SYT1: variants seen among roughly 807,000 people sequenced by gnomAD.
SYT1 encodes synaptotagmin 1.
SYT1 carries 8 observed loss-of-function variants against 44.8 expected under a neutral mutation model. That is an observed-to-expected ratio of 0.18 (90% confidence interval 0.10 to 0.32). The LOEUF (loss-of-function observed/expected upper bound fraction) is 0.32. Among genes scored for constraint, SYT1 ranks in the 10% least tolerant of loss-of-function variants. The pLI is 1.00. For missense variants in SYT1, 286 were observed against 509.3 expected, an observed-to-expected ratio of 0.56 and a Z score of 4.22; for synonymous variants, 154 against 188.8, an observed-to-expected ratio of 0.82 and a Z score of 1.51.
intron 4 of SYT1, among the ~76,000 whole-genome samples, chr12:79,278,290 G>A (rs1027507097): frequency 6.6e-6 from 1 of 151,990 alleles, no homozygotes; most frequent in Non-Finnish European, 1.5e-5. Flanking sequence ...TAAATTTTTA[G>A]AGATTTAAAT....
At chr12:79,318,490 A>G (rs1005807935) in intron 8 of SYT1, among the ~76,000 whole-genome samples, 19 of 152,236 alleles carry the variant, frequency 1.2e-4, no homozygotes, top group African/African-American at 2.4e-5. Context: ...TGGGCCCTGG[A>G]TAACACTAGA....
chr12:79,176,902 G>C (rs1031917441), intron 3 of SYT1, among the ~76,000 whole-genome samples: 2 of 151,802 alleles, frequency 1.3e-5, no homozygotes, highest in Non-Finnish European at 2.9e-5. Context: ...ATACTTTCCT[G>C]TATAACCACA....
At chr12:79,274,133 C>G (rs1426690543) in intron 4 of SYT1, among the ~76,000 whole-genome samples, 1 of 152,200 alleles carries the variant, frequency 6.6e-6, no homozygotes, top group Non-Finnish European at 1.5e-5. Flanking sequence ...GATTCGTGAT[C>G]TAATCTCAAG....
At chr12:79,211,602 C>A (rs913738984) in intron 3 of SYT1, among the ~76,000 whole-genome samples, 5 of 134,206 alleles carry the variant, frequency 3.7e-5, no homozygotes, top group Non-Finnish European at 7.9e-5. Flanking sequence ...CCCCCCACCC[C>A]ACAACAGTCC....
At chr12:79,015,628 G>A (rs188508447) in intron 2 of SYT1, among the ~76,000 whole-genome samples, 198 of 152,216 alleles carry the variant, frequency 1.3e-3, no homozygotes, top group Non-Finnish European at 2.6e-3. Flanking sequence ...CTAATGGACC[G>A]AAGTAAATAT....
At chr12:79,367,996 T>C (rs1227819554) in intron 9 of SYT1, among the ~76,000 whole-genome samples, 2 of 151,924 alleles carry the variant, frequency 1.3e-5, no homozygotes, top group East Asian at 3.9e-4. Flanking sequence ...GCTGGTGTGC[T>C]GCACCCATTA....
At chr12:79,106,872 A>G (rs1242525106) in intron 3 of SYT1, among the ~76,000 whole-genome samples, 1 of 152,058 alleles carries the variant, frequency 6.6e-6, no homozygotes, top group Non-Finnish European at 1.5e-5. Context: ...ACCTTTAATC[A>G]TAGTAGGAAC....
intron 10 of SYT1, 117 bp from the exon 11 acceptor site, chr12:79,448,801 C>T (rs1870873441): frequency 1.2e-6 from 1 of 868,622 alleles, no homozygotes; most frequent in Admixed American, 2.3e-5. Flanking sequence ...TCATCCTCAT[C>T]CTAGTGCTTG....
At chr12:78,946,969 C>T (rs988071234) in intron 1 of SYT1, among the ~76,000 whole-genome samples, 4 of 152,132 alleles carry the variant, frequency 2.6e-5, no homozygotes, top group East Asian at 1.9e-4. Context: ...GAGTCTGCCT[C>T]TTAGTAAAAA....
intron 1 of SYT1, among the ~76,000 whole-genome samples, chr12:78,892,709 A>G (rs1436563269): frequency 1.3e-5 from 2 of 151,848 alleles, no homozygotes; most frequent in African/African-American, 4.8e-5. Flanking sequence ...TAATTTGGAA[A>G]TAATGGGACA....
intron 9 of SYT1, among the ~76,000 whole-genome samples, chr12:79,424,953 C>CTTT (rs398040025): frequency 0.014 from 1,228 of 85,008 alleles, 28 homozygotes; most frequent in African/African-American, 0.035. Context: ...TTTTCTTCTT[C>CTTT]TTTTTTTTTT....
chr12:79,063,065 C>T (rs184860178), intron 3 of SYT1, among the ~76,000 whole-genome samples: 79 of 152,286 alleles, frequency 5.2e-4, no homozygotes, highest in Middle Eastern at 6.8e-3. Flanking sequence ...TCACGGTTTA[C>T]ATAGCAGTTT....
chr12:78,876,461 GTGTTTT>G (rs1874077993), intron 1 of SYT1, among the ~76,000 whole-genome samples: 1 of 30,214 alleles, frequency 3.3e-5, no homozygotes, highest in Non-Finnish European at 1.2e-4. Flanking sequence ...GAAAATGGAG[GTGTTTT>G]TTTTTTTTTT....
At chr12:78,963,405 T>G (rs1218202824) in intron 1 of SYT1, among the ~76,000 whole-genome samples, 1 of 152,054 alleles carries the variant, frequency 6.6e-6, no homozygotes, top group Non-Finnish European at 1.5e-5. Context: ...AGAAAATGTT[T>G]GCAAACCATA....
At chr12:78,881,943 A>G (rs755231745) in intron 1 of SYT1, among the ~76,000 whole-genome samples, 1 of 150,090 alleles carries the variant, frequency 6.7e-6, no homozygotes, top group Non-Finnish European at 1.5e-5. Flanking sequence ...CTCAATGACA[A>G]TTTTGTCTCC....
chr12:79,338,169 G>A (rs1185491800), intron 8 of SYT1, among the ~76,000 whole-genome samples: 4 of 151,990 alleles, frequency 2.6e-5, no homozygotes, highest in Admixed American at 6.6e-5. Flanking sequence ...CCCAAGCTAT[G>A]GGGCTCACCT....
chr12:79,104,213 C>T (rs1344836107), intron 3 of SYT1, among the ~76,000 whole-genome samples: 2 of 150,970 alleles, frequency 1.3e-5, no homozygotes, highest in Non-Finnish European at 2.9e-5. Flanking sequence ...TCAATGTGTC[C>T]TTCAAAATAC....
chr12:79,344,165 CCTT>C (rs1287726818), intron 8 of SYT1, among the ~76,000 whole-genome samples: 7 of 152,170 alleles, frequency 4.6e-5, no homozygotes, highest in African/African-American at 1.4e-4. Context: ...TCCTTCAAAT[CCTT>C]CTTATACAGA....
chr12:79,040,225 T>A (rs1454910720), intron 2 of SYT1, among the ~76,000 whole-genome samples: 10 of 151,132 alleles, frequency 6.6e-5, no homozygotes, highest in South Asian at 2.1e-4. Flanking sequence ...TTGAACTAGT[T>A]TACAGTCCCA....
Sources: allele counts gnomAD v4.1 joint callset (sites outside exome capture counted in the v4.1 genomes callset), GRCh38; gene constraint gnomAD v4.1.1; transcripts MANE v1.5; gene names NCBI Gene and HGNC (gene_info 2026-07-23, HGNC 2026-07-21).